NIBAN2: variants seen among roughly 807,000 people sequenced by gnomAD.
NIBAN2 encodes the protein niban apoptosis regulator 2, also known as protein Niban 2.
In NIBAN2, 36 loss-of-function variants were observed where a neutral mutation model predicts 81.8. The ratio of observed to expected loss-of-function variants is 0.44; its 90% CI spans 0.34 to 0.58. The LOEUF is 0.58. NIBAN2 is among the 20% of genes least tolerant of loss of function. NIBAN2 has a pLI of 0.02. For synonymous variants in NIBAN2, 445 were observed against 441.6 expected (o/e 1.01, Z -0.10); for missense variants, 897 against 1,014.1 (o/e 0.88, Z 1.57).
upstream of NIBAN2, among the ~76,000 whole-genome samples, chr9:127,570,401 C>T (rs1421474699): frequency 1.3e-5 from 2 of 152,260 alleles, no homozygotes; most frequent in Non-Finnish European, 2.9e-5. Context: ...AGAAGGAAGC[C>T]CAAGCTGCCC....
rs973569318 is a variant in NIBAN2, at chr9:127,507,556, T to C, written c.1655-125A>G. The C allele has an allele frequency of 5.8e-6, 5 of 866,880 alleles. No individual in the cohort carries two copies. Among genetic ancestry groups the C allele is most frequent in the African/African-American group, 1.7e-5 (1 of 58,584 alleles). The allele number at this position is 866,880 out of a possible 1,614,324, so 53.7% of individuals were successfully genotyped here. On this transcript the variant is annotated intron_variant, in intron 13 of 13. Transcript: ENST00000373312. The surrounding 1 kb of genome is among the most constrained non-coding windows in gnomAD (Gnocchi z 6.8). ...GGGTCTGTGGTTGGGATGTGACTCA[T>C]TCCAGGCCTCGTTGCTGAAAGCAGC...
intron 5 of NIBAN2, among the ~76,000 whole-genome samples, chr9:127,522,957 C>A (rs1234647148): frequency 6.6e-6 from 1 of 151,586 alleles, no homozygotes; most frequent in Admixed American, 6.6e-5. Context: ...TCTCCCCTAC[C>A]AGACTGCCAA....
rs532605518 is a variant in NIBAN2, at chr9:127,505,429, C to G, written c.*1416G>C. ...AATATCAGGGAGGGATGATGGGAAC[C>G]CCTCAAAAGGCACTAGAGGCGCAGA... is the stretch of plus-strand genomic sequence containing the variant. On this transcript the variant is annotated 3_prime_UTR_variant, in exon 14 of 14. Transcript: ENST00000373312. The G allele has an allele frequency of 3.3e-5, 5 of 152,732 alleles. No homozygotes were observed. Among genetic ancestry groups the G allele is most frequent in the Non-Finnish European group, 1.5e-5 (1 of 68,032 alleles). The allele number at this position is 152,732 out of a possible 1,614,324, so 9.5% of individuals were successfully genotyped here.
Position 127,510,165 on chromosome 9 carries a change from C to G in NIBAN2, c.1142G>C (p.Gly381Ala). Residue 381 changes from glycine to alanine, a missense_variant, in exon 9 of 14, where the codon GGC becomes GCC. Around this residue, in one of 3 missense-constraint regions of NIBAN2, gnomAD observed 619 missense variants for 691.0 expected, o/e 0.90. Transcript: ENST00000373312. Reference protein sequence around the residue: ...DMNLNVINEGGIDKLGEYMEK... With the variant: ...DMNLNVINEGAIDKLGEYMEK... ...CCTCACCTCGCCCAGCTTGTCAATG[C>G]CGCCCTCGTTGATGACGTTCAGGTT... The G allele has an allele frequency of 6.2e-7, 1 of 1,612,336 alleles. No homozygotes were observed. Among genetic ancestry groups the G allele is most frequent in the Non-Finnish European group, 8.5e-7 (1 of 1,178,796 alleles).
At position 127,510,348 on chromosome 9, in the gene NIBAN2, A is replaced by T; in HGVS notation, c.974-15T>A. ...GAGGATGAAGGCTGTGCCCCGAGGG[A>T]GCCGGGTCAGCAGGGGCTCCCCAAG... On this transcript the variant is annotated splice_polypyrimidine_tract_variant and intron_variant, in intron 8 of 13. Transcript: ENST00000373312. 2 of 1,577,332 alleles carry T rather than the reference A, an allele frequency of 1.3e-6. No homozygotes were observed. Among genetic ancestry groups the T allele is most frequent in the Non-Finnish European group, 1.7e-6 (2 of 1,155,754 alleles).
upstream of NIBAN2, among the ~76,000 whole-genome samples, chr9:127,573,736 C>G (rs1028642361): frequency 1.6e-4 from 25 of 152,206 alleles, no homozygotes; most frequent in African/African-American, 6.0e-4. Flanking sequence ...TCACTGCAAT[C>G]TCTACCTACC....
chr9:127,531,878 G>C (rs1040854857), intron 1 of NIBAN2, 100 bp from the exon 2 acceptor site: 1 of 1,501,562 alleles, frequency 6.7e-7, no homozygotes, highest in African/African-American at 1.4e-5. Flanking sequence ...CCAAATTCCT[G>C]CATGTGGAAT....
chr9:127,575,489 G>T (rs1357034419), intron 1 of NIBAN2, among the ~76,000 whole-genome samples: 1 of 146,178 alleles, frequency 6.8e-6, no homozygotes, highest in Non-Finnish European at 1.5e-5. Context: ...GCTTCCCAAA[G>T]TGCTGGGACT....
chr9:127,510,335 T>A lies in NIBAN2; in HGVS notation c.974-2A>T, dbSNP rs760079593. The A allele has an allele frequency of 1.3e-6, 2 of 1,593,724 alleles. No homozygotes were observed. Among genetic ancestry groups the A allele is most frequent in the Non-Finnish European group, 1.7e-6 (2 of 1,165,634 alleles). On this transcript the variant is annotated splice_acceptor_variant, in intron 8 of 13. Transcript: ENST00000373312. LOFTEE classifies it high-confidence loss of function. ...CCTCTGCCTTGGGGAGGATGAAGGC[T>A]GTGCCCCGAGGGAGCCGGGTCAGCA...
chr9:127,538,770 C>G (rs1837325351), intron 1 of NIBAN2, among the ~76,000 whole-genome samples: 1 of 150,920 alleles, frequency 6.6e-6, no homozygotes, highest in South Asian at 2.1e-4. Flanking sequence ...CATGGTGAAA[C>G]CCCATCTCTA....
chr9:127,537,779 C>T (rs923294736), intron 1 of NIBAN2, among the ~76,000 whole-genome samples: 2 of 152,108 alleles, frequency 1.3e-5, no homozygotes, highest in East Asian at 1.9e-4. Context: ...CTGTATGAAC[C>T]GAGGCTCAGA....
At position 127,536,789 on chromosome 9, in the gene NIBAN2, C is replaced by A. The variant is rs1837288586; in HGVS notation, c.56-5011G>T. Among the ~76,000 whole-genome samples the A allele has an allele frequency of 6.6e-6, 1 of 152,220 alleles. No homozygotes were observed. Among genetic ancestry groups the A allele is most frequent in the South Asian group, 2.1e-4 (1 of 4,832 alleles). On this transcript the variant is annotated intron_variant, in intron 1 of 13. Coordinates refer to ENST00000373312, the MANE Select transcript of NIBAN2 (RefSeq NM_022833.4). The surrounding 1 kb of genome is among the most constrained non-coding windows in gnomAD (Gnocchi z 4.0). ...CGAGCCATAGTCGGCTGCATGCCAC[C>A]CTCCTGGTCCTAGCTCTGGCCATTG...
At chr9:127,512,468 A>G (rs1836755394) in intron 8 of NIBAN2, among the ~76,000 whole-genome samples, 1 of 151,912 alleles carries the variant, frequency 6.6e-6, no homozygotes, top group Admixed American at 6.6e-5. Context: ...TGTATTTTTA[A>G]TAGAGACGGG....
chr9:127,538,475 T>C (rs1472090109), intron 1 of NIBAN2, among the ~76,000 whole-genome samples: 1 of 152,016 alleles, frequency 6.6e-6, no homozygotes, highest in East Asian at 1.9e-4. Flanking sequence ...GAAACGCAGT[T>C]GTGTGGCCAG....
chr9:127,513,879 AC>A (rs1419000983), intron 8 of NIBAN2, among the ~76,000 whole-genome samples: 1 of 152,110 alleles, frequency 6.6e-6, no homozygotes, highest in Non-Finnish European at 1.5e-5. Context: ...CTGGATCGGG[AC>A]CCCTTTCTGG....
chr9:127,543,688 T>G (rs1193099177), intron 1 of NIBAN2, among the ~76,000 whole-genome samples: 1 of 152,142 alleles, frequency 6.6e-6, no homozygotes. Context: ...ATTTCCTACC[T>G]CCACATCTTC....
intron 1 of NIBAN2, among the ~76,000 whole-genome samples, chr9:127,534,049 C>T (rs112469968): frequency 4.6e-5 from 7 of 152,202 alleles, no homozygotes; most frequent in African/African-American, 1.7e-4. Flanking sequence ...GAGAGGGTCT[C>T]GGACCCATGA....
chr9:127,568,974 T>G lies in NIBAN2; in HGVS notation c.-100A>C. 5 of 1,103,920 alleles carry G rather than the reference T, an allele frequency of 4.5e-6. No homozygotes were observed. The highest frequency in any genetic ancestry group is 5.4e-6 in the Non-Finnish European group (5 of 921,424). 68.4% of individuals were successfully genotyped at this position (1,103,920 alleles called of 1,614,324 possible). ...CGCCATGGAGCCCGGCCCGCCCTGC[T>G]TCCCCCGCTCCCGCCGCTCCCGCCG... On this transcript the variant is annotated 5_prime_UTR_variant, in exon 1 of 14. Transcript: ENST00000373312.
intron 1 of NIBAN2, among the ~76,000 whole-genome samples, chr9:127,547,742 C>G (rs1420067312): frequency 1.3e-5 from 2 of 151,940 alleles, no homozygotes; most frequent in Non-Finnish European, 2.9e-5. Flanking sequence ...GAGGCTGAGG[C>G]AGGAGAATCG....
Sources: allele counts gnomAD v4.1 joint callset (sites outside exome capture counted in the v4.1 genomes callset), GRCh38; gene constraint gnomAD v4.1.1; regional missense constraint gnomAD v4.1.1; non-coding constraint Gnocchi (gnomAD v3.1); transcripts MANE v1.5; gene names NCBI Gene and HGNC (gene_info 2026-07-23, HGNC 2026-07-21).